THAP5: variants seen among roughly 807,000 people sequenced by gnomAD.
THAP5 encodes THAP domain-containing protein 5.
In THAP5, 26 loss-of-function variants were observed where a neutral mutation model predicts 34.0. The observed-to-expected ratio is 0.77, with a 90% CI of 0.56 to 1.06. The LOEUF (loss-of-function observed/expected upper bound fraction) is 1.06. THAP5 is among the 50% of genes least tolerant of loss of function. The pLI, the probability that THAP5 is intolerant of heterozygous loss-of-function variation, is 0.00. For synonymous variants in THAP5, 125 were observed against 153.0 expected (o/e 0.82, Z 1.35); for missense variants, 394 against 452.8 (o/e 0.87, Z 1.18).
At chr7:108,559,829 C>A (rs759928810), downstream of THAP5, among the ~76,000 whole-genome samples, 5 of 152,050 alleles carry the variant, frequency 3.3e-5, no homozygotes, top group Non-Finnish European at 7.4e-5. Flanking sequence ...AACTCATGAT[C>A]ATGAGAACAG....
At chr7:108,552,800 A>T (rs1481896030), downstream of THAP5, among the ~76,000 whole-genome samples, 1 of 74,056 alleles carries the variant, frequency 1.4e-5, no homozygotes, top group Non-Finnish European at 2.6e-5. Context: ...ACTCTGTCTC[A>T]GGGGAAAAAA....
the THAP5 span, among the ~76,000 whole-genome samples, chr7:108,541,895 A>G: frequency 6.6e-6 from 1 of 152,232 alleles, no homozygotes; most frequent in African/African-American, 2.4e-5. Flanking sequence ...TTTACCAGCT[A>G]AAACTTTACA....
downstream of THAP5, among the ~76,000 whole-genome samples, chr7:108,551,663 C>G (rs780802389): frequency 1.3e-5 from 2 of 152,166 alleles, no homozygotes; most frequent in Non-Finnish European, 2.9e-5. Flanking sequence ...AAACTCTGTA[C>G]CTATGGATGA....
At chr7:108,545,759 T>A in the THAP5 span, among the ~76,000 whole-genome samples, 1 of 152,338 alleles carries the variant, frequency 6.6e-6, no homozygotes, top group Non-Finnish European at 1.5e-5. Flanking sequence ...AATCATTCTA[T>A]ATATTGCAAT....
At chr7:108,560,512 A>T (rs1864419141), downstream of THAP5, among the ~76,000 whole-genome samples, 1 of 152,202 alleles carries the variant, frequency 6.6e-6, no homozygotes, top group Non-Finnish European at 1.5e-5. Flanking sequence ...GTCCAGTTGG[A>T]TCCCTCTTTT....
chr7:108,566,429 TACC>T (rs1285649663), intron 1 of THAP5, among the ~76,000 whole-genome samples: 4 of 152,212 alleles, frequency 2.6e-5, no homozygotes, highest in Non-Finnish European at 4.4e-5. Flanking sequence ...TATTTCATAA[TACC>T]ACCACATGTC....
intron 1 of THAP5, chr7:108,569,225 C>T (rs1260918205): frequency 7.3e-7 from 1 of 1,363,030 alleles, no homozygotes; most frequent in Non-Finnish European, 9.5e-7. Context: ...CTGAAAACCA[C>T]AGAAGCCCGC....
At chr7:108,544,485 C>A in the THAP5 span, among the ~76,000 whole-genome samples, 1 of 151,274 alleles carries the variant, frequency 6.6e-6, no homozygotes, top group Non-Finnish European at 1.5e-5. Context: ...GAGCCGAGAT[C>A]GCGCCACTGC....
At chr7:108,565,762 A>G (rs1203047792) in intron 2 of THAP5, 68 bp downstream of exon 2, 1 of 1,283,764 alleles carries the variant, frequency 7.8e-7, no homozygotes, top group East Asian at 2.7e-5. Context: ...TTACTCTCCC[A>G]CCTGATCACC....
At chr7:108,558,377 G>GTGTGTGTATATA (rs1401164750), downstream of THAP5, among the ~76,000 whole-genome samples, 418 of 62,818 alleles carry the variant, frequency 6.7e-3, 10 homozygotes, top group Non-Finnish European at 9.1e-3. Context: ...ATGTGTGTGT[G>GTGTGTGTATATA]TATGTATATA....
chr7:108,564,622 A>T lies in THAP5; in HGVS notation c.757T>A (p.Leu253Ile). 6.2e-7 allele frequency: 1 copy of T among 1,614,008 alleles called. No homozygotes were observed. The highest frequency in any genetic ancestry group is 8.5e-7 in the Non-Finnish European group (1 of 1,179,956). ...EIKSAQENPFLFSTINQTVEE... is the reference protein window; with the variant it reads ...EIKSAQENPFIFSTINQTVEE... The stretch of plus-strand genomic sequence containing the variant: ...ACTGTTTGATTAATTGTGCTGAATA[A>T]GAATGGATTTTCCTGTGCTGACTTT... Residue 253 changes from leucine (L) to isoleucine (I), a missense_variant, in exon 3 of 3, where the codon TTA (leucine) becomes ATA (isoleucine). Transcript: ENST00000415914.
chr7:108,558,598 G>A (rs40934), downstream of THAP5, among the ~76,000 whole-genome samples: 43,865 of 150,480 alleles, frequency 0.29, 6,786 homozygotes, highest in Non-Finnish European at 0.34. Flanking sequence ...AGGTTTCACC[G>A]TGTTGGTCAG....
chr7:108,565,356 C>T (rs40944), intron 2 of THAP5: 1 of 283,874 alleles, frequency 3.5e-6, no homozygotes, highest in African/African-American at 2.2e-5. Context: ...CAACTGAGGT[C>T]AGGAGTTCAA....
chr7:108,569,207 G>A, intron 1 of THAP5: 1 of 1,334,810 alleles, frequency 7.5e-7, no homozygotes, highest in Non-Finnish European at 9.6e-7. Context: ...CGTGAAGTGG[G>A]GAAAAGACTG....
upstream of THAP5, chr7:108,569,716 C>G (rs888518148): frequency 2.1e-5 from 22 of 1,037,706 alleles, no homozygotes; most frequent in Non-Finnish European, 3.1e-5. Flanking sequence ...TGTCGACTCA[C>G]TTCCGCCTCC....
chr7:108,564,513 A>G lies in THAP5; in HGVS notation c.866T>C (p.Ile289Thr). 2.5e-6 allele frequency: 4 copies of G among 1,613,962 alleles called. No homozygotes were observed. The highest frequency in any genetic ancestry group is 2.5e-6 in the Non-Finnish European group (3 of 1,179,932). The change falls in exon 3 of 3, where the codon ATA (isoleucine) becomes ACA (threonine). Residue 289 changes from isoleucine (I) to threonine (T), a missense_variant. Ile to Thr is a moderately conservative substitution (Grantham distance 89). Coordinates refer to ENST00000415914, the MANE Select transcript of THAP5 (RefSeq NM_001130475.3). Reference protein sequence around the residue: ...ENSKPSVNSFISAQKETTEME... With the variant: ...ENSKPSVNSFTSAQKETTEME... ...TTCCGTGGTTTCTTTTTGTGCAGATATAAAAGAATTAACTGAGGGTTTAGA... is the reference window on the plus strand; with the variant it reads ...TTCCGTGGTTTCTTTTTGTGCAGATGTAAAAGAATTAACTGAGGGTTTAGA...
chr7:108,564,939 G>A lies in THAP5; in HGVS notation c.440C>T (p.Ser147Phe), dbSNP rs1315697754. The A allele has an allele frequency of 6.4e-7, 1 of 1,564,460 alleles. No individual in the cohort carries two copies. Among genetic ancestry groups the A allele is most frequent in the African/African-American group, 1.4e-5 (1 of 73,796 alleles). Residue 147 changes from serine (S) to phenylalanine (F), a missense_variant, in exon 3 of 3, where the codon TCC becomes TTC. Transcript: ENST00000415914. ...HQHPELLHSS[S>F]LVKPPAPKTG... ...TTTGGGAGCTGGTGGCTTTACCAAGGAAGATGAATGAAGTAATTCTGGATG... is the reference window on the plus strand; with the variant it reads ...TTTGGGAGCTGGTGGCTTTACCAAGAAAGATGAATGAAGTAATTCTGGATG...
At chr7:108,552,272 T>G (rs1464380287), downstream of THAP5, among the ~76,000 whole-genome samples, 1 of 152,182 alleles carries the variant, frequency 6.6e-6, no homozygotes, top group African/African-American at 2.4e-5. Flanking sequence ...TCTTTTTTTT[T>G]ACATGCCTTA....
the THAP5 span, among the ~76,000 whole-genome samples, chr7:108,548,963 T>C: frequency 6.6e-6 from 1 of 152,096 alleles, no homozygotes; most frequent in African/African-American, 2.4e-5. Context: ...ACAAGCCTTA[T>C]TGCAAACAAA....
Sources: gnomAD v4.1 joint callset for allele counts (sites outside exome capture counted in the v4.1 genomes callset) on GRCh38, gnomAD v4.1.1 for gene constraint, MANE v1.5 for transcripts, NCBI Gene and HGNC (gene_info 2026-07-23, HGNC 2026-07-21) for gene names.